The following FAM135A variants were observed in gnomAD, a reference collection of about 807,000 sequenced individuals.
FAM135A encodes the protein family with sequence similarity 135 member A.
In FAM135A, 79 loss-of-function variants were observed where a neutral mutation model predicts 146.8. The ratio of observed to expected loss-of-function variants is 0.54; its 90% confidence interval spans 0.45 to 0.65. The LOEUF is 0.65. Among genes scored for constraint, FAM135A ranks in the 30% least tolerant of loss-of-function variants. The probability of loss-of-function intolerance (pLI) is 0.00; values close to 1 mark genes in which losing one functional copy is unlikely to be tolerated. For synonymous variants in FAM135A, 562 were observed against 603.6 expected, an observed-to-expected ratio of 0.93 and a Z score of 1.01; for missense variants, 1,623 against 1,758.2, an observed-to-expected ratio of 0.92 and a Z score of 1.38.
intron 12 of FAM135A, among the ~76,000 whole-genome samples, chr6:70,514,965 C>G (rs1053393117): frequency 6.6e-6 from 1 of 152,164 alleles, no homozygotes; most frequent in African/African-American, 2.4e-5. Context: ...GCTTCACTGA[C>G]CTGGGAGGAA....
chr6:70,478,732 A>C (rs1783105483), intron 8 of FAM135A, among the ~76,000 whole-genome samples: 1 of 152,122 alleles, frequency 6.6e-6, no homozygotes, highest in South Asian at 2.1e-4. Flanking sequence ...TATTCTATAG[A>C]AAGATCTGTA....
At chr6:70,431,014 G>A (rs1405041118) in intron 4 of FAM135A, among the ~76,000 whole-genome samples, 1 of 152,088 alleles carries the variant, frequency 6.6e-6, no homozygotes, top group Non-Finnish European at 1.5e-5. Flanking sequence ...GTGTAAGATA[G>A]CATATTACAT....
Position 70,419,203 on chromosome 6 carries a change from G to A in FAM135A, c.-134+3827G>A, listed in dbSNP as rs185987097. On this transcript the variant is annotated intron_variant, in intron 2 of 21. Coordinates refer to ENST00000418814, the MANE Select transcript of FAM135A (RefSeq NM_001162529.3). Reference sequence around the variant, plus strand: ...TGGGAGGCCGAGGCAGGCAGATCACGAGGTCAGGAGTTCAAGACCAGCCTG... The same window carrying A: ...TGGGAGGCCGAGGCAGGCAGATCACAAGGTCAGGAGTTCAAGACCAGCCTG... Among the ~76,000 whole-genome samples the A allele has an allele frequency of 1.1e-4, 16 of 152,146 alleles. No homozygotes were observed. In the East Asian group the frequency reaches 2.7e-3, roughly 26 times the overall value.
intron 5 of FAM135A, among the ~76,000 whole-genome samples, chr6:70,472,968 G>A (rs193273778): frequency 5.4e-4 from 82 of 152,128 alleles, no homozygotes; most frequent in Middle Eastern, 3.4e-3. Context: ...CAGCTTCTCC[G>A]CTGTAACATT....
chr6:70,466,455 G>A (rs765676010), intron 5 of FAM135A, among the ~76,000 whole-genome samples: 3 of 152,058 alleles, frequency 2.0e-5, no homozygotes, highest in East Asian at 1.9e-4. Context: ...CATAAATATC[G>A]CTATTATTAA....
chr6:70,459,374 A>G (rs1418122467), intron 5 of FAM135A, among the ~76,000 whole-genome samples: 1 of 152,236 alleles, frequency 6.6e-6, no homozygotes, highest in Admixed American at 6.5e-5. Flanking sequence ...TTATTGCCAT[A>G]CATTTACATT....
At chr6:70,531,282 G>T (rs1795754596) in intron 16 of FAM135A, among the ~76,000 whole-genome samples, 1 of 152,140 alleles carries the variant, frequency 6.6e-6, no homozygotes. Context: ...CTCTTAACTG[G>T]TCCACTTTTG....
chr6:70,479,551 A>G (rs1444315970), intron 8 of FAM135A, among the ~76,000 whole-genome samples: 2 of 152,128 alleles, frequency 1.3e-5, no homozygotes, highest in Non-Finnish European at 2.9e-5. Context: ...CTACCTATAA[A>G]TGAAAGGTTG....
At chr6:70,478,114 T>C (rs1481111546) in intron 8 of FAM135A, among the ~76,000 whole-genome samples, 1 of 152,150 alleles carries the variant, frequency 6.6e-6, no homozygotes, top group African/African-American at 2.4e-5. Context: ...GCTTTCCAAG[T>C]CATTAACCAA....
intron 20 of FAM135A, among the ~76,000 whole-genome samples, chr6:70,545,946 T>C (rs1798784310): frequency 6.6e-6 from 1 of 152,196 alleles, no homozygotes; most frequent in Admixed American, 6.5e-5. Context: ...CTACTTCTAA[T>C]AGCACTTTTA....
chr6:70,531,027 T>C lies in FAM135A; in HGVS notation c.3776-2133T>C, dbSNP rs931284331. On this transcript the variant is annotated intron_variant, in intron 16 of 21. Transcript: ENST00000418814. Reference sequence around the variant, plus strand: ...GTAGTCAGAGGAACCAAATCAGGACTGTAAGATGAATGCCTAATGATTTCC... The same window carrying C: ...GTAGTCAGAGGAACCAAATCAGGACCGTAAGATGAATGCCTAATGATTTCC... 1.5e-4 allele frequency among the ~76,000 whole-genome samples: 23 copies of C among 152,330 alleles called. No homozygotes were observed. In the East Asian group the frequency reaches 3.9e-3, roughly 26 times the overall value.
At chr6:70,486,371 AACTT>A in intron 10 of FAM135A, 1 of 703,904 alleles carries the variant, frequency 1.4e-6, no homozygotes. Flanking sequence ...CATTCTGAAG[AACTT>A]ACCTTTAAAA....
rs533853492 is a variant in FAM135A at position 70,415,673 on chromosome 6, A to T, written c.-134+297A>T. 1.3e-4 allele frequency among the ~76,000 whole-genome samples: 20 copies of T among 152,272 alleles called. No homozygotes were observed. In the East Asian group the frequency reaches 3.8e-3, roughly 29 times the overall value. ...TCTTTTTATTTTTAGGTAAACATTC[A>T]TTTTAAAAAAGTAAATGCCTACAAA... On this transcript the variant is annotated intron_variant, in intron 2 of 21. Transcript: ENST00000418814.
intron 2 of FAM135A, among the ~76,000 whole-genome samples, chr6:70,423,946 A>C (rs1362138532): frequency 6.6e-6 from 1 of 152,134 alleles, no homozygotes; most frequent in Admixed American, 6.5e-5. Flanking sequence ...TCCCACACAT[A>C]CCCAACATAT....
chr6:70,471,630 CTG>C (rs1781633286), intron 5 of FAM135A, among the ~76,000 whole-genome samples: 1 of 152,010 alleles, frequency 6.6e-6, no homozygotes, highest in African/African-American at 2.4e-5. Flanking sequence ...GGCCTGATAA[CTG>C]TGGGATGGGA....
At chr6:70,433,589 G>A (rs1168474561) in intron 4 of FAM135A, among the ~76,000 whole-genome samples, 2 of 151,360 alleles carry the variant, frequency 1.3e-5, no homozygotes, top group African/African-American at 2.4e-5. Flanking sequence ...TGATGTCATC[G>A]AAGCTTGTCC....
intron 20 of FAM135A, among the ~76,000 whole-genome samples, chr6:70,555,961 T>C (rs1401113036): frequency 6.6e-6 from 1 of 152,010 alleles, no homozygotes; most frequent in Non-Finnish European, 1.5e-5. Flanking sequence ...ATCTCATGAT[T>C]AAGATCCTTA....
At chr6:70,529,757 A>G (rs1267928134) in intron 16 of FAM135A, among the ~76,000 whole-genome samples, 1 of 152,128 alleles carries the variant, frequency 6.6e-6, no homozygotes, top group Non-Finnish European at 1.5e-5. Context: ...ACAGTAGACC[A>G]GTCTGACATA....
intron 10 of FAM135A, among the ~76,000 whole-genome samples, chr6:70,486,657 G>A (rs771943818): frequency 9.9e-5 from 15 of 152,056 alleles, no homozygotes; most frequent in African/African-American, 1.7e-4. Context: ...GGCCGGGTGC[G>A]GTGACTCACG....
Sources: allele counts gnomAD v4.1 joint callset (sites outside exome capture counted in the v4.1 genomes callset), GRCh38; gene constraint gnomAD v4.1.1; transcripts MANE v1.5; gene names NCBI Gene and HGNC (gene_info 2026-07-23, HGNC 2026-07-21).